The following CREBBP variants were observed in gnomAD, a reference collection of about 807,000 sequenced individuals.
CREBBP encodes the protein CREB binding lysine acetyltransferase, also known as CREB-binding protein.
In CREBBP, 19 loss-of-function variants were observed where a neutral mutation model predicts 265.0. The observed-to-expected ratio is 0.07, with a 90% CI of 0.05 to 0.11. The LOEUF (loss-of-function observed/expected upper bound fraction) is 0.11, where lower values mean the gene tolerates loss of function less well. Ranked by LOEUF, CREBBP falls within the 10% of genes least tolerant of loss-of-function variation. The pLI is 1.00. For missense variants in CREBBP, 2,525 were observed against 3,219.0 expected, an observed-to-expected ratio of 0.78 and a Z score of 5.22; for synonymous variants, 1,457 against 1,223.7, an observed-to-expected ratio of 1.19 and a Z score of -3.98.
chr16:3,875,179 A>G (rs2110534), intron 1 of CREBBP, among the ~76,000 whole-genome samples: 139,397 of 152,242 alleles, frequency 0.92, 64,825 homozygotes, highest in Non-Finnish European at 0.99. Context: ...TACAGAATCA[A>G]ATCTGAATGT....
chr16:3,770,824 C>T lies in CREBBP; in HGVS notation c.2626G>A (p.Gly876Arg), dbSNP rs746552957. Residue 876 changes from glycine (G) to arginine (R), a missense_variant, in exon 14 of 31, where the codon GGG becomes AGG. Gly to Arg is a moderately radical substitution (Grantham distance 125, BLOSUM62 -2). Coordinates refer to ENST00000262367, the MANE Select transcript of CREBBP (RefSeq NM_004380.3). ...MPSLQHTTPP[G>R]MTPPQPAAPT... ...GCTGCTGGCTGGGGAGGAGTCATCCCAGGTGGTGTCGTGTGCTGGAGAGAT... is the reference window on the plus strand; with the variant it reads ...GCTGCTGGCTGGGGAGGAGTCATCCTAGGTGGTGTCGTGTGCTGGAGAGAT... 26 of 1,613,830 alleles carry T rather than the reference C, an allele frequency of 1.6e-5. No individual in the cohort carries two copies. The East Asian group carries it at 5.3e-4, about 33-fold the overall frequency.
chr16:3,762,650 C>T (rs530947366), intron 16 of CREBBP, among the ~76,000 whole-genome samples: 38 of 152,312 alleles, frequency 2.5e-4, no homozygotes, highest in African/African-American at 7.7e-4. Context: ...CTCCCAAAAA[C>T]GCGGCTCTCG....
intron 21 of CREBBP, 126 bp from the exon 22 acceptor site, chr16:3,745,480 C>G (rs954117710): frequency 2.6e-6 from 2 of 776,148 alleles, no homozygotes; most frequent in African/African-American, 3.4e-5. Flanking sequence ...GACATTAATG[C>G]GTGTGTTGGC....
intron 2 of CREBBP, among the ~76,000 whole-genome samples, chr16:3,843,460 TG>T (rs1460303089): frequency 6.6e-6 from 1 of 151,778 alleles, no homozygotes; most frequent in Non-Finnish European, 1.5e-5. Flanking sequence ...CTCACTCTGT[TG>T]GTATGCTTGA....
chr16:3,794,034 T>C (rs1378626765), intron 3 of CREBBP, among the ~76,000 whole-genome samples: 2 of 152,170 alleles, frequency 1.3e-5, no homozygotes, highest in African/African-American at 2.4e-5. Context: ...ATTAAAAAGA[T>C]TGCCAAGGCC....
At chr16:3,810,831 G>C (rs993645967) in intron 2 of CREBBP, 52 bp from the exon 3 acceptor site, 4 of 1,575,844 alleles carry the variant, frequency 2.5e-6, no homozygotes, top group Non-Finnish European at 3.5e-6. Context: ...CAATATAAAA[G>C]GAAGGGCCTG....
rs1462184814 is a variant in CREBBP, at chr16:3,728,274, C to A, written c.6773G>T (p.Gly2258Val). The A allele has an allele frequency of 1.9e-6, 3 of 1,612,182 alleles. No individual in the cohort carries two copies. In the African/African-American group the frequency reaches 4.0e-5, roughly 22 times the overall value. ...AGCCGCCATCTGGCCCATGGAGCTG[C>A]CCTGGAGGGGGAGATGCTGCTGCAT... Reference protein sequence around the residue: ...QRMQQHLPLQGSSMGQMAAQM... With the variant: ...QRMQQHLPLQVSSMGQMAAQM... Residue 2258 changes from glycine (G) to valine (V), a missense_variant, in exon 31 of 31, where the codon GGC becomes GTC. This residue lies in a region of CREBBP where 473 missense variants were observed against 459.3 expected (regional missense o/e 1.03). Coordinates refer to ENST00000262367, the MANE Select transcript of CREBBP (RefSeq NM_004380.3). This position sits in a 1 kb window ranked among gnomAD's most constrained non-coding sequence, Gnocchi z 8.7.
chr16:3,813,815 C>T lies in CREBBP; in HGVS notation c.799-3036G>A, dbSNP rs1049597260. Among the ~76,000 whole-genome samples the T allele has an allele frequency of 2.6e-5, 4 of 152,218 alleles. No homozygotes were observed. In the South Asian group the frequency reaches 8.3e-4, roughly 32 times the overall value. On this transcript the variant is annotated intron_variant, in intron 2 of 30. Coordinates refer to ENST00000262367, the MANE Select transcript of CREBBP (RefSeq NM_004380.3). The stretch of plus-strand genomic sequence containing the variant: ...TCAACCAATTTGACAAACAAACAAA[C>T]AAAAAATCAACGTCTTTTGGAAGTT...
At chr16:3,827,224 A>T (rs897331683) in intron 2 of CREBBP, among the ~76,000 whole-genome samples, 1 of 152,126 alleles carries the variant, frequency 6.6e-6, no homozygotes. Flanking sequence ...AGGAAATGTG[A>T]TAAGTATCAA....
Position 3,728,024 on chromosome 16 carries a change from G to T in CREBBP, c.7023C>A (p.Asn2341Lys). 6.2e-7 allele frequency: 1 copy of T among 1,611,666 alleles called. No individual in the cohort carries two copies. The highest frequency in any genetic ancestry group is 8.5e-7 in the Non-Finnish European group (1 of 1,178,084). Reference protein sequence around the residue: ...PGQQIATSLSNQVRSPAPVQS... With the variant: ...PGQQIATSLSKQVRSPAPVQS... ...GGACAGGGGCTGGAGACCGCACCTG[G>T]TTACTAAGGGACGTGGCGATCTGCT... The change falls in exon 31 of 31, where the codon AAC (asparagine) becomes AAA (lysine). Residue 2341 changes from asparagine to lysine, a missense_variant. Asn to Lys is a moderately conservative substitution (Grantham distance 94, BLOSUM62 0). Around this residue, in one of 19 missense-constraint regions of CREBBP, gnomAD observed 473 missense variants for 459.3 expected, o/e 1.03. Transcript: ENST00000262367. The surrounding 1 kb of genome is among the most constrained non-coding windows in gnomAD (Gnocchi z 8.7).
chr16:3,756,291 G>A (rs113818399), intron 19 of CREBBP, among the ~76,000 whole-genome samples: 1 of 152,328 alleles, frequency 6.6e-6, no homozygotes, highest in African/African-American at 2.4e-5. Flanking sequence ...CAACGTCACA[G>A]TTTGAGCAAG....
chr16:3,879,694 G>A (rs1393776353), intron 1 of CREBBP, 138 bp downstream of exon 1: 1 of 933,308 alleles, frequency 1.1e-6, no homozygotes. Flanking sequence ...TCCCGCGCGG[G>A]GCGAGGGGAA....
chr16:3,747,687 G>A (rs926330834), intron 21 of CREBBP, among the ~76,000 whole-genome samples: 4 of 152,172 alleles, frequency 2.6e-5, no homozygotes, highest in Non-Finnish European at 4.4e-5. Context: ...AATTGGCCGG[G>A]CACGGTGGCT....
intron 2 of CREBBP, among the ~76,000 whole-genome samples, chr16:3,849,427 GTGTGTGTGTGTGTGTGTGTGTGT>G (rs2054749785): frequency 0.013 from 214 of 16,354 alleles, 6 homozygotes; most frequent in East Asian, 0.086. Flanking sequence ...GTGTGTGTGT[GTGTGTGTGTGTGTGTGTGTGTGT>G]GTGTGTGTGT....
intron 1 of CREBBP, among the ~76,000 whole-genome samples, chr16:3,863,052 T>A (rs1245201698): frequency 2.0e-5 from 3 of 152,202 alleles, no homozygotes; most frequent in Non-Finnish European, 4.4e-5. Flanking sequence ...CAGGTTAAAC[T>A]AACTGCAATA....
At chr16:3,769,748 G>A (rs148895672) in intron 14 of CREBBP, among the ~76,000 whole-genome samples, 1 of 152,340 alleles carries the variant, frequency 6.6e-6, no homozygotes, top group East Asian at 1.9e-4. Flanking sequence ...GAAATCAAGT[G>A]CCTACCCAAA....
chr16:3,753,338 C>T (rs141314743), intron 19 of CREBBP, among the ~76,000 whole-genome samples: 24 of 152,368 alleles, frequency 1.6e-4, no homozygotes, highest in African/African-American at 5.5e-4. Context: ...TAACCACACA[C>T]ATACAGCAAA....
chr16:3,752,433 G>A (rs1256167988), intron 19 of CREBBP, among the ~76,000 whole-genome samples: 6 of 150,416 alleles, frequency 4.0e-5, no homozygotes, highest in South Asian at 2.1e-4. Context: ...TGAGCACCCA[G>A]AACTGATTTT....
At chr16:3,870,493 TC>T (rs760652345) in intron 1 of CREBBP, among the ~76,000 whole-genome samples, 1 of 152,200 alleles carries the variant, frequency 6.6e-6, no homozygotes, top group Non-Finnish European at 1.5e-5. Context: ...GAAACAGAGT[TC>T]CATTTAATTA....
Sources: allele counts gnomAD v4.1 joint callset (sites outside exome capture counted in the v4.1 genomes callset), GRCh38; gene constraint gnomAD v4.1.1; regional missense constraint gnomAD v4.1.1; non-coding constraint Gnocchi (gnomAD v3.1); transcripts MANE v1.5; gene names NCBI Gene and HGNC (gene_info 2026-07-23, HGNC 2026-07-21).